Variants in MECOM observed in about 807,000 individuals in gnomAD.
MECOM encodes the protein MDS1 and EVI1 complex locus, also known as histone-lysine N-methyltransferase MECOM.
In MECOM, 13 loss-of-function variants were observed where a neutral mutation model predicts 116.3. The observed-to-expected ratio is 0.11, with a 90% CI of 0.07 to 0.18. MECOM has a LOEUF of 0.18. Ranked by LOEUF, MECOM falls within the 10% of genes least tolerant of loss-of-function variation. MECOM has a pLI of 1.00. For missense variants in MECOM, 1,299 were observed against 1,509.0 expected (o/e 0.86, Z 2.31); for synonymous variants, 528 against 535.2 (o/e 0.99, Z 0.19).
intron 2 of MECOM, among the ~76,000 whole-genome samples, chr3:169,342,290 C>A (rs1020024573): frequency 4.6e-5 from 7 of 151,576 alleles, no homozygotes; most frequent in African/African-American, 1.7e-4. Flanking sequence ...TATAAAATAT[C>A]TGTTATATTT....
intron 2 of MECOM, among the ~76,000 whole-genome samples, chr3:169,276,248 T>C (rs1323371317): frequency 6.6e-6 from 1 of 152,062 alleles, no homozygotes; most frequent in African/African-American, 2.4e-5. Flanking sequence ...CGAGACTATG[T>C]TTTTGTTTAA....
intron 1 of MECOM, among the ~76,000 whole-genome samples, chr3:169,630,594 A>G (rs1185039207): frequency 6.6e-6 from 1 of 152,118 alleles, no homozygotes; most frequent in Non-Finnish European, 1.5e-5. Context: ...CTAAGACTAC[A>G]GGTACACACC....
At chr3:169,184,257 AT>A (rs1024768415) in intron 2 of MECOM, among the ~76,000 whole-genome samples, 2 of 152,118 alleles carry the variant, frequency 1.3e-5, no homozygotes, top group African/African-American at 4.8e-5. Context: ...ATGACCAGGA[AT>A]TTGCCTGGTA....
chr3:169,572,744 C>T (rs1469512240), intron 1 of MECOM, among the ~76,000 whole-genome samples: 7 of 151,892 alleles, frequency 4.6e-5, no homozygotes, highest in Non-Finnish European at 7.4e-5. Context: ...CCAAATATCG[C>T]ATATATTCTC....
chr3:169,149,633 G>C (rs1210270309), intron 2 of MECOM: 1 of 486,144 alleles, frequency 2.1e-6, no homozygotes, highest in Non-Finnish European at 4.1e-6. Context: ...ACGAGAGGAA[G>C]GCACACTGCA....
chr3:169,544,491 G>A (rs34371084), intron 1 of MECOM, among the ~76,000 whole-genome samples: 31,520 of 152,094 alleles, frequency 0.21, 4,369 homozygotes, highest in East Asian at 0.68. Context: ...TGGTGTAAAC[G>A]TGTTCCTATT....
chr3:169,594,154 C>CAAAAAAAA (rs34331048), intron 1 of MECOM, among the ~76,000 whole-genome samples: 39 of 45,544 alleles, frequency 8.6e-4, no homozygotes, highest in African/African-American at 2.5e-3. Flanking sequence ...ACCACCACCA[C>CAAAAAAAA]AAAAAAAAAA....
chr3:169,116,458 C>A lies in MECOM; in HGVS notation c.1414G>T (p.Ala472Ser), dbSNP rs750829949. Reference protein sequence around the residue: ...ANPGLADYFGANRHPAGLTFP... With the variant: ...ANPGLADYFGSNRHPAGLTFP... ...GTAAGACCAGCAGGATGCCTATTGGCGCCAAAATAGTCAGCAAGGCCCGGG... is the reference window on the plus strand; with the variant it reads ...GTAAGACCAGCAGGATGCCTATTGGAGCCAAAATAGTCAGCAAGGCCCGGG... The change falls in exon 8 of 17, where the codon GCC becomes TCC. Residue 472 changes from alanine to serine, a missense_variant. Ala to Ser is a moderately conservative substitution (Grantham distance 99). Around this residue, in one of 6 missense-constraint regions of MECOM, gnomAD observed 238 missense variants for 273.1 expected, o/e 0.87. Coordinates refer to ENST00000651503, the MANE Select transcript of MECOM (RefSeq NM_004991.4). 1.8e-5 allele frequency: 29 copies of A among 1,613,974 alleles called. No individual in the cohort carries two copies. Among genetic ancestry groups the A allele is most frequent in the African/African-American group, 2.7e-5 (2 of 74,890 alleles).
At chr3:169,529,549 C>T (rs1323727069) in intron 1 of MECOM, among the ~76,000 whole-genome samples, 1 of 152,202 alleles carries the variant, frequency 6.6e-6, no homozygotes, top group Non-Finnish European at 1.5e-5. Flanking sequence ...GCCAGTTTGA[C>T]ATCCCCACTC....
intron 1 of MECOM, chr3:169,470,328 C>T (rs1315496341): frequency 6.6e-6 from 1 of 152,210 alleles, no homozygotes; most frequent in East Asian, 1.9e-4. Flanking sequence ...GTCTAGGAAA[C>T]TCTTACTTTA....
intron 2 of MECOM, among the ~76,000 whole-genome samples, chr3:169,298,917 T>C (rs1716148530): frequency 6.6e-6 from 1 of 152,194 alleles, no homozygotes; most frequent in Non-Finnish European, 1.5e-5. Flanking sequence ...ATACAAGCTT[T>C]GCAAAGGGAT....
At chr3:169,290,138 T>A (rs1473688509) in intron 2 of MECOM, among the ~76,000 whole-genome samples, 1 of 151,918 alleles carries the variant, frequency 6.6e-6, no homozygotes, top group African/African-American at 2.4e-5. Context: ...TATGTCCAAA[T>A]AAAACAAATC....
Position 169,629,650 on chromosome 3 carries a change from G to C in MECOM, c.37+33686C>G, listed in dbSNP as rs114883148. The stretch of plus-strand genomic sequence containing the variant: ...GTAAGGGAACGTGCATGTAGGTAAT[G>C]CCTTTGTGGAAAGTCCACACCCCAC... On this transcript the variant is annotated intron_variant, in intron 1 of 16. Transcript: ENST00000651503. Among the ~76,000 whole-genome samples, 222 of 152,278 alleles carry C rather than the reference G, an allele frequency of 1.5e-3. 1 individual carries two copies. Among genetic ancestry groups the C allele is most frequent in the Middle Eastern group, 3.4e-3 (1 of 294 alleles).
At chr3:169,360,369 A>G (rs1256334823) in intron 2 of MECOM, among the ~76,000 whole-genome samples, 1 of 150,192 alleles carries the variant, frequency 6.7e-6, no homozygotes, top group Non-Finnish European at 1.5e-5. Context: ...AATTTTTGAC[A>G]TTTCTTATGG....
chr3:169,603,294 C>A (rs1446727900), intron 1 of MECOM, among the ~76,000 whole-genome samples: 2 of 151,916 alleles, frequency 1.3e-5, no homozygotes, highest in African/African-American at 4.8e-5. Flanking sequence ...TAGACAAAAG[C>A]TTATAAGGTA....
chr3:169,543,988 T>C (rs1357482304), intron 1 of MECOM, among the ~76,000 whole-genome samples: 1 of 152,186 alleles, frequency 6.6e-6, no homozygotes, highest in Non-Finnish European at 1.5e-5. Flanking sequence ...TGGGTTCAAG[T>C]GATCCTCCTG....
intron 1 of MECOM, among the ~76,000 whole-genome samples, chr3:169,624,548 G>A (rs2109920408): frequency 6.6e-6 from 1 of 152,342 alleles, no homozygotes; most frequent in Non-Finnish European, 1.5e-5. Flanking sequence ...GTCCACGGAA[G>A]CATTCTGGGT....
At chr3:169,518,283 A>G (rs1203337498) in intron 1 of MECOM, among the ~76,000 whole-genome samples, 1 of 152,092 alleles carries the variant, frequency 6.6e-6, no homozygotes, top group African/African-American at 2.4e-5. Context: ...AAGAAAAGAA[A>G]ACAGTTGACA....
At position 169,084,949 on chromosome 3, in the gene MECOM, G is replaced by T. The variant is rs201825977; in HGVS notation, c.3680C>A (p.Ala1227Glu). The T allele has an allele frequency of 1.2e-6, 2 of 1,614,058 alleles. No individual in the cohort carries two copies. Among genetic ancestry groups the T allele is most frequent in the South Asian group, 1.1e-5 (1 of 91,074 alleles). Residue 1227 changes from alanine to glutamate, a missense_variant, in exon 17 of 17, where the codon GCG becomes GAG. Physicochemically the swap from Ala to Glu is moderately radical, Grantham distance 107 (BLOSUM62 -1). Transcript: ENST00000651503. Reference sequence around the variant, plus strand: ...GGACTGGATAGCACTGGATTCCGCCGCAGCCCTGGCCATACTGTGCCACAC... The same window carrying T: ...GGACTGGATAGCACTGGATTCCGCCTCAGCCCTGGCCATACTGTGCCACAC... ...SNVWHSMARA[A>E]AESSAIQSIS...
Sources: gnomAD v4.1 joint callset for allele counts (sites outside exome capture counted in the v4.1 genomes callset) on GRCh38, gnomAD v4.1.1 for gene constraint, gnomAD v4.1.1 regional missense constraint, MANE v1.5 for transcripts, NCBI Gene and HGNC (gene_info 2026-07-23, HGNC 2026-07-21) for gene names.